CALD1: variants seen among roughly 807,000 people sequenced by gnomAD.
CALD1 encodes caldesmon.
CALD1 carries 33 observed loss-of-function variants against 99.9 expected under a neutral mutation model. The observed-to-expected ratio is 0.33, with a 90% CI of 0.25 to 0.44. CALD1 has a LOEUF of 0.44. Among genes scored for constraint, CALD1 ranks in the 20% least tolerant of loss-of-function variants. The pLI is 1.00. For synonymous variants in CALD1, 310 were observed against 325.0 expected (o/e 0.95, Z 0.50); for missense variants, 861 against 962.1 (o/e 0.89, Z 1.39).
rs561237801 is a variant in CALD1, at chr7:134,762,199, A to G, written c.-130+17836A>G. 1.9e-4 allele frequency among the ~76,000 whole-genome samples: 29 copies of G among 152,348 alleles called. 1 individual carries two copies. The South Asian group carries it at 5.2e-3, about 27-fold the overall frequency. ...AAGCCCACCAGCCAGCAAAATGAAG[A>G]GGAAGCAGAAAATAGAAATGGCCAG... On this transcript the variant is annotated intron_variant, in intron 1 of 13. Coordinates refer to the CALD1 transcript ENST00000417172.
upstream of CALD1, among the ~76,000 whole-genome samples, chr7:134,743,888 C>T (rs552399070): frequency 1.3e-5 from 2 of 152,264 alleles, no homozygotes; most frequent in South Asian, 2.1e-4. Context: ...AATTCACATG[C>T]GTAAAGTTGA....
chr7:134,814,149 G>A (rs1324487710), intron 1 of CALD1, among the ~76,000 whole-genome samples: 1 of 152,130 alleles, frequency 6.6e-6, no homozygotes, highest in Non-Finnish European at 1.5e-5. Context: ...ATATAGCTGT[G>A]GAGCAAGGAG....
At chr7:134,760,818 T>G (rs1384428785) in intron 1 of CALD1, among the ~76,000 whole-genome samples, 4 of 152,176 alleles carry the variant, frequency 2.6e-5, no homozygotes, top group Admixed American at 2.0e-4. Flanking sequence ...AAGAACAAAG[T>G]TCCAGAATGC....
intron 1 of CALD1, among the ~76,000 whole-genome samples, chr7:134,810,109 G>A (rs1041351040): frequency 1.3e-5 from 2 of 152,150 alleles, no homozygotes; most frequent in Non-Finnish European, 2.9e-5. Flanking sequence ...CTCAGAGGTA[G>A]CATAAACTTA....
At chr7:134,804,840 G>A (rs1341406539) in intron 1 of CALD1, among the ~76,000 whole-genome samples, 1 of 152,202 alleles carries the variant, frequency 6.6e-6, no homozygotes, top group African/African-American at 2.4e-5. Flanking sequence ...CCTAGACAGA[G>A]CTGATTTGTC....
intron 1 of CALD1, among the ~76,000 whole-genome samples, chr7:134,829,049 C>T (rs548296763): frequency 1.3e-5 from 2 of 152,248 alleles, no homozygotes; most frequent in Admixed American, 1.3e-4. Flanking sequence ...ACATGTTGGC[C>T]ATTCATTCAT....
At chr7:134,798,727 T>C (rs1429714008) in intron 1 of CALD1, among the ~76,000 whole-genome samples, 1 of 152,224 alleles carries the variant, frequency 6.6e-6, no homozygotes, top group Non-Finnish European at 1.5e-5. Context: ...GTATTCCACA[T>C]CCCGAGCTTC....
At position 134,889,578 on chromosome 7, in the gene CALD1, CTT is replaced by C. The variant is rs1466811323; in HGVS notation, c.71+21777_71+21778del. ...TCCACCTACCATAGAAAACCACCGACTTTTGTAAGTAATTGAAGGGAAAAAAT... is the reference window on the plus strand; with the variant it reads ...TCCACCTACCATAGAAAACCACCGACTTGTAAGTAATTGAAGGGAAAAAAT... On this transcript the variant is annotated intron_variant, in intron 3 of 14. Transcript: ENST00000361675. 2.6e-5 allele frequency among the ~76,000 whole-genome samples: 4 copies of C among 152,272 alleles called. No homozygotes were observed. In the East Asian group the frequency reaches 5.8e-4, roughly 22 times the overall value.
At chr7:134,730,431 T>G in the CALD1 span, among the ~76,000 whole-genome samples, 4 of 152,138 alleles carry the variant, frequency 2.6e-5, no homozygotes, top group Non-Finnish European at 5.9e-5. Flanking sequence ...GGACCCCAAC[T>G]TCCCAATTCT....
intron 1 of CALD1, among the ~76,000 whole-genome samples, chr7:134,782,576 C>CT (rs1797148041): frequency 1.3e-5 from 2 of 152,280 alleles, no homozygotes; most frequent in African/African-American, 4.8e-5. Flanking sequence ...TAACCCTGAC[C>CT]TTTTTGAGGA....
chr7:134,876,173 G>C (rs1390432416), intron 3 of CALD1, among the ~76,000 whole-genome samples: 3 of 152,156 alleles, frequency 2.0e-5, no homozygotes, highest in Admixed American at 6.5e-5. Flanking sequence ...ACATTCAGTG[G>C]CATCATGAAC....
At chr7:134,725,849 C>T in the CALD1 span, among the ~76,000 whole-genome samples, 1 of 152,120 alleles carries the variant, frequency 6.6e-6, no homozygotes, top group South Asian at 2.1e-4. Flanking sequence ...GGAGAAGGTG[C>T]TACAAAGACA....
intron 2 of CALD1, among the ~76,000 whole-genome samples, chr7:134,859,041 A>C (rs1800445572): frequency 1.3e-5 from 2 of 152,242 alleles, no homozygotes; most frequent in African/African-American, 4.8e-5. Context: ...TTTTCAATTT[A>C]AATGACCTCG....
intron 3 of CALD1, among the ~76,000 whole-genome samples, chr7:134,920,312 T>G (rs767609959): frequency 7.9e-6 from 1 of 125,808 alleles, no homozygotes; most frequent in African/African-American, 2.5e-5. Flanking sequence ...AATGAAAGTA[T>G]GTGTGAGTCA....
chr7:134,933,544 G>A lies in CALD1; in HGVS notation c.775G>A (p.Glu259Lys). The change falls in exon 5 of 15, where the codon GAG becomes AAG. Residue 259 changes from glutamate to lysine, a missense_variant. This residue lies in a region of CALD1 where 234 missense variants were observed against 233.1 expected (regional missense o/e 1.00). Transcript: ENST00000361675. ...DEISHHEKME[E>K]EDKERAEAER... ...GATTTCCCATCATGAAAAGATGGAA[G>A]AGGAAGACAAGGAAAGAGCTGAGGC... 6.8e-6 allele frequency: 11 copies of A among 1,613,914 alleles called. No individual in the cohort carries two copies. The highest frequency in any genetic ancestry group is 5.9e-6 in the Non-Finnish European group (7 of 1,179,916).
intron 3 of CALD1, among the ~76,000 whole-genome samples, chr7:134,912,004 T>G (rs1803848808): frequency 6.6e-6 from 1 of 151,846 alleles, no homozygotes; most frequent in African/African-American, 2.4e-5. Context: ...CTGACATTGA[T>G]GGACAGATAA....
intron 3 of CALD1, among the ~76,000 whole-genome samples, chr7:134,871,319 A>G (rs937559575): frequency 1.1e-4 from 17 of 152,182 alleles, no homozygotes; most frequent in African/African-American, 4.1e-4. Context: ...GAATTTAGGG[A>G]ACTAAAAGAA....
At chr7:134,722,474 G>T in the CALD1 span, among the ~76,000 whole-genome samples, 2 of 152,186 alleles carry the variant, frequency 1.3e-5, no homozygotes, top group Middle Eastern at 6.8e-3. Flanking sequence ...AGGCTGGAGT[G>T]CAGTGGCACA....
Position 134,968,744 on chromosome 7 carries a change from ATGT to A in CALD1, c.*404_*406del, listed in dbSNP as rs1170244895. Reference sequence around the variant, plus strand: ...TTTTGTTTTTTTAAATACAGAAGTCATGTTGTTTCTGCACTTTATAATAAAGCA... The same window carrying A: ...TTTTGTTTTTTTAAATACAGAAGTCATGTTTCTGCACTTTATAATAAAGCA... On this transcript the variant is annotated 3_prime_UTR_variant, in exon 15 of 15. Transcript: ENST00000361675. 3 of 303,996 alleles carry A rather than the reference ATGT, an allele frequency of 9.9e-6. No individual in the cohort carries two copies. Among genetic ancestry groups the A allele is most frequent in the African/African-American group, 4.2e-5 (2 of 47,232 alleles). 18.8% of individuals were successfully genotyped at this position (303,996 alleles called of 1,614,324 possible).
Sources: allele counts gnomAD v4.1 joint callset (sites outside exome capture counted in the v4.1 genomes callset), GRCh38; gene constraint gnomAD v4.1.1; regional missense constraint gnomAD v4.1.1; transcripts MANE v1.5; gene names NCBI Gene and HGNC (gene_info 2026-07-23, HGNC 2026-07-21).